Variants in RASL12 observed in about 807,000 individuals in gnomAD.
RASL12 encodes ras-like protein family member 12.
RASL12 carries 16 observed loss-of-function variants against 22.9 expected under a neutral mutation model. The observed-to-expected ratio is 0.70, with a 90% CI of 0.47 to 1.06. The LOEUF (loss-of-function observed/expected upper bound fraction) is 1.06. RASL12 is among the 50% of genes least tolerant of loss of function. The pLI is 0.00. For missense variants in RASL12, 306 were observed against 353.1 expected (o/e 0.87, Z 1.07); for synonymous variants, 159 against 152.2 (o/e 1.04, Z -0.33).
chr15:65,060,492 T>C lies in RASL12; in HGVS notation c.161-1074A>G, dbSNP rs983309657. Among the ~76,000 whole-genome samples the C allele has an allele frequency of 6.6e-5, 10 of 152,062 alleles. 1 individual carries two copies. Among genetic ancestry groups the C allele is most frequent in the Admixed American group, 6.5e-4 (10 of 15,282 alleles). ...AGTGACCTTATTTGAATTTCTCGAG[T>C]TGTTACTTTTTTTATATATATGGTT... On this transcript the variant is annotated intron_variant, in intron 2 of 4. Coordinates refer to ENST00000220062, the MANE Select transcript of RASL12 (RefSeq NM_016563.4).
rs752829078 is a variant in RASL12, at chr15:65,058,437, C to T, written c.415G>A (p.Ala139Thr). 9.0e-6 allele frequency: 14 copies of T among 1,562,132 alleles called. 1 individual carries two copies. Among genetic ancestry groups the T allele is most frequent in the Non-Finnish European group, 9.6e-6 (11 of 1,147,348 alleles). ...ALLLGNKLDMAQYRQVTKAEG... is the reference protein window; with the variant it reads ...ALLLGNKLDMTQYRQVTKAEG... ...GCAGGCTGTGCTCACCTGTACTGAG[C>T]CATGTCCAGCTTGTTGCCCAGCAGC... The change falls in exon 4 of 5, where the codon GCT (alanine) becomes ACT (threonine). Residue 139 changes from alanine to threonine, a missense_variant. By Grantham distance (58) the Ala-to-Thr change is moderately conservative. Coordinates refer to ENST00000220062, the MANE Select transcript of RASL12 (RefSeq NM_016563.4).
At chr15:65,048,954 G>A (rs571661316), downstream of RASL12, among the ~76,000 whole-genome samples, 38 of 145,440 alleles carry the variant, frequency 2.6e-4, 1 homozygote, top group Middle Eastern at 3.7e-3. Flanking sequence ...AGGTTGCAGT[G>A]AGCAGAGATC....
upstream of RASL12, chr15:65,068,026 G>A (rs1004269312): frequency 3.3e-5 from 37 of 1,126,844 alleles, no homozygotes; most frequent in African/African-American, 5.0e-4. This position sits in a 1 kb window ranked among gnomAD's most constrained non-coding sequence, Gnocchi z 4.2. Context: ...GGTGGAGCCT[G>A]GCGGGCGGGG....
In RASL12 at chr15:65,054,741, A is replaced by T; in HGVS notation, c.*158T>A. ...AACAGAAGCAGCATCCCTGCCTGCC[A>T]CTCCAGCTCACACAGTGAATTGAGT... On this transcript the variant is annotated 3_prime_UTR_variant, in exon 5 of 5. Transcript: ENST00000220062. The T allele has an allele frequency of 6.9e-7, 1 of 1,449,186 alleles. No individual in the cohort carries two copies. The highest frequency in any genetic ancestry group is 9.0e-7 in the Non-Finnish European group (1 of 1,106,428). 89.8% of individuals were successfully genotyped at this position (1,449,186 alleles called of 1,614,324 possible).
At chr15:65,061,238 TA>T (rs2086799794) in intron 2 of RASL12, among the ~76,000 whole-genome samples, 1 of 152,348 alleles carries the variant, frequency 6.6e-6, no homozygotes, top group East Asian at 1.9e-4. Context: ...ACACAGCACC[TA>T]ATCAGCAGAA....
At chr15:65,045,759 G>A in the RASL12 span, among the ~76,000 whole-genome samples, 1 of 152,198 alleles carries the variant, frequency 6.6e-6, no homozygotes, top group Non-Finnish European at 1.5e-5. Flanking sequence ...AACAAGAAAA[G>A]AACATTAAAG....
the RASL12 span, among the ~76,000 whole-genome samples, chr15:65,047,498 C>A: frequency 2.0e-5 from 3 of 152,200 alleles, no homozygotes; most frequent in South Asian, 2.1e-4. Flanking sequence ...GTGTCTAAAT[C>A]TCATCCCACA....
In RASL12 at chr15:65,058,673, T is replaced by G. The variant is rs1271509226; in HGVS notation, c.235-56A>C. On this transcript the variant is annotated intron_variant, in intron 3 of 4. Coordinates refer to ENST00000220062, the MANE Select transcript of RASL12 (RefSeq NM_016563.4). ...GGCAGAGGAGGTTGGGGTAAAGGCC[T>G]TCACCTGAGCCGCCCAATCCCACCT... 4.4e-6 allele frequency: 6 copies of G among 1,352,324 alleles called. No homozygotes were observed. The African/African-American group carries it at 7.4e-5, about 17-fold the overall frequency. The allele number at this position is 1,352,324 out of a possible 1,614,324, so 83.8% of individuals were successfully genotyped here.
At position 65,053,476 on chromosome 15, in the gene RASL12, G is replaced by A. The variant is rs867716061; in HGVS notation, c.*1423C>T. 2 of 1,148,668 alleles carry A rather than the reference G, an allele frequency of 1.7e-6. No homozygotes were observed. Among genetic ancestry groups the A allele is most frequent in the African/African-American group, 1.6e-5 (1 of 61,256 alleles). The allele number at this position is 1,148,668 out of a possible 1,614,324, so 71.2% of individuals were successfully genotyped here. Reference sequence around the variant, plus strand: ...GAGCAAAAGTGCAAAATCCGTAGCTGGCCTGTGGGTCGGGAAGCCTGTAGG... The same window carrying A: ...GAGCAAAAGTGCAAAATCCGTAGCTAGCCTGTGGGTCGGGAAGCCTGTAGG... On this transcript the variant is annotated 3_prime_UTR_variant, in exon 5 of 5. Coordinates refer to ENST00000220062, the MANE Select transcript of RASL12 (RefSeq NM_016563.4).
In RASL12 at chr15:65,059,794, C is replaced by A. The variant is rs181827932; in HGVS notation, c.161-376G>T. On this transcript the variant is annotated intron_variant, in intron 2 of 4. Coordinates refer to ENST00000220062, the MANE Select transcript of RASL12 (RefSeq NM_016563.4). The stretch of plus-strand genomic sequence containing the variant: ...CTCTATCCCAGAACCCCAGGCTTTC[C>A]CACTCTCTTCCCCCTCAACCAACCT... Among the ~76,000 whole-genome samples, 186 of 152,302 alleles carry A rather than the reference C, an allele frequency of 1.2e-3. 1 individual carries two copies. The highest frequency in any genetic ancestry group is 4.3e-3 in the African/African-American group (177 of 41,560).
rs1379716655 is a variant in RASL12 at position 65,054,350 on chromosome 15, G to A, written c.*549C>T. 3.0e-6 allele frequency: 3 copies of A among 985,740 alleles called. No homozygotes were observed. In the East Asian group the frequency reaches 3.4e-4, roughly 112 times the overall value. The allele number at this position is 985,740 out of a possible 1,614,324, so 61.1% of individuals were successfully genotyped here. A position where few individuals can be genotyped will look rare whatever the true frequency, so the allele number is the denominator to read the frequency against. Reference sequence around the variant, plus strand: ...GGATTATTTTAACTAGATTTTCCTTGGATAAACTGTGGGGTTTGTAGCCTG... The same window carrying A: ...GGATTATTTTAACTAGATTTTCCTTAGATAAACTGTGGGGTTTGTAGCCTG... On this transcript the variant is annotated 3_prime_UTR_variant, in exon 5 of 5. Transcript: ENST00000220062.
downstream of RASL12, chr15:65,050,052 A>T: frequency 6.4e-7 from 1 of 1,551,800 alleles, no homozygotes; most frequent in African/African-American, 1.4e-5. Flanking sequence ...GTACTGTGGT[A>T]CCCCAGGAGC....
downstream of RASL12, chr15:65,053,270 T>C: frequency 6.9e-7 from 1 of 1,449,470 alleles, no homozygotes; most frequent in Non-Finnish European, 9.0e-7. Context: ...AGCCGCTTTT[T>C]TCTTTTTCTT....
rs1037447787 is a variant in RASL12, at chr15:65,058,322, G to A, written c.425+105C>T. On this transcript the variant is annotated intron_variant, in intron 4 of 4. Coordinates refer to ENST00000220062, the MANE Select transcript of RASL12 (RefSeq NM_016563.4). ...TATAATCCCTTCTACCACAATTCAA[G>A]GGGATGACTGTTCTTAGCAGCCCAC... 4.5e-5 allele frequency: 40 copies of A among 882,882 alleles called. 1 individual carries two copies. Among genetic ancestry groups the A allele is most frequent in the Admixed American group, 1.4e-4 (4 of 27,718 alleles). 54.7% of individuals were successfully genotyped at this position (882,882 alleles called of 1,614,324 possible).
rs1047066171 is a variant in RASL12, at chr15:65,053,865, G to A, written c.*1034C>T. ...CCCATGTCTGAGCCATGGTGTCTTGGTATAAGCTGCGGTGACACCACCAAA... is the reference window on the plus strand; with the variant it reads ...CCCATGTCTGAGCCATGGTGTCTTGATATAAGCTGCGGTGACACCACCAAA... On this transcript the variant is annotated 3_prime_UTR_variant, in exon 5 of 5. Transcript: ENST00000220062. The A allele has an allele frequency of 1.0e-6, 1 of 985,844 alleles. No homozygotes were observed. The highest frequency in any genetic ancestry group is 1.2e-6 in the Non-Finnish European group (1 of 829,950). 61.1% of individuals were successfully genotyped at this position (985,844 alleles called of 1,614,324 possible). A position where few individuals can be genotyped will look rare whatever the true frequency, so the allele number is the denominator to read the frequency against.
At chr15:65,069,559 G>T (rs2086916546), upstream of RASL12, among the ~76,000 whole-genome samples, 1 of 152,184 alleles carries the variant, frequency 6.6e-6, no homozygotes, top group South Asian at 2.1e-4. Flanking sequence ...TGTGATGCTG[G>T]GATGTTACTT....
chr15:65,053,289 T>A (rs1050904758), downstream of RASL12: 1 of 1,432,232 alleles, frequency 7.0e-7, no homozygotes, highest in East Asian at 2.5e-5. Flanking sequence ...TTTCTTTCTT[T>A]TTTTTTTTCT....
At chr15:65,060,400 A>C (rs1359755475) in intron 2 of RASL12, among the ~76,000 whole-genome samples, 1 of 152,224 alleles carries the variant, frequency 6.6e-6, no homozygotes, top group Non-Finnish European at 1.5e-5. Context: ...CAGTGTCATC[A>C]CCTTACATAA....
In RASL12 at chr15:65,054,704, A is replaced by G. The variant is rs1421767663; in HGVS notation, c.*195T>C. 1.1e-5 allele frequency: 15 copies of G among 1,403,412 alleles called. No homozygotes were observed. Among genetic ancestry groups the G allele is most frequent in the Non-Finnish European group, 1.3e-5 (14 of 1,081,340 alleles). The allele number at this position is 1,403,412 out of a possible 1,614,324, so 86.9% of individuals were successfully genotyped here. ...GACGCGGTGGTTACCATGAAGACCAAGGCCTGGAGGGAACAGAAGCAGCAT... is the reference window on the plus strand; with the variant it reads ...GACGCGGTGGTTACCATGAAGACCAGGGCCTGGAGGGAACAGAAGCAGCAT... On this transcript the variant is annotated 3_prime_UTR_variant, in exon 5 of 5. Transcript: ENST00000220062.
Sources: gnomAD v4.1 joint callset for allele counts (sites outside exome capture counted in the v4.1 genomes callset) on GRCh38, gnomAD v4.1.1 for gene constraint, Gnocchi (gnomAD v3.1) non-coding constraint, MANE v1.5 for transcripts, NCBI Gene and HGNC (gene_info 2026-07-23, HGNC 2026-07-21) for gene names.